The following ETFRF1 variants were observed in gnomAD, a reference collection of about 807,000 sequenced individuals.
The protein encoded by ETFRF1 is electron transfer flavoprotein regulatory factor 1.
In ETFRF1, 12 loss-of-function variants were observed where a neutral mutation model predicts 9.0. The ratio of observed to expected loss-of-function variants is 1.34; its 90% CI spans 0.86 to 2.16. The LOEUF is 2.16. Among genes scored for constraint, ETFRF1 ranks in the 30% most tolerant of loss-of-function variants. ETFRF1 has a pLI of 0.00. For synonymous variants in ETFRF1, 34 were observed against 33.2 expected (o/e 1.02, Z -0.08); for missense variants, 98 against 101.8 (o/e 0.96, Z 0.16).
Position 25,203,993 on chromosome 12 carries a change from A to C in ETFRF1, c.37A>C (p.Lys13Gln). The change falls in exon 2 of 3, where the codon AAA becomes CAA. Residue 13 changes from lysine (K) to glutamine (Q), a missense_variant. Transcript: ENST00000381356. Reference sequence around the variant, plus strand: ...CAATTCTTTAAGAGGAGAAGTACTAAAACTTTATAAAAATGTAAGTAATTA... The same window carrying C: ...CAATTCTTTAAGAGGAGAAGTACTACAACTTTATAAAAATGTAAGTAATTA... Reference protein sequence around the residue: ...MANSLRGEVLKLYKNLLYLGR... With the variant: ...MANSLRGEVLQLYKNLLYLGR... 6.6e-7 allele frequency: 1 copy of C among 1,506,114 alleles called. No homozygotes were observed. The highest frequency in any genetic ancestry group is 8.9e-7 in the Non-Finnish European group (1 of 1,126,892). 93.3% of individuals were successfully genotyped at this position (1,506,114 alleles called of 1,614,324 possible).
At chr12:25,202,212 G>A (rs1264573838) in intron 1 of ETFRF1, among the ~76,000 whole-genome samples, 1 of 151,640 alleles carries the variant, frequency 6.6e-6, no homozygotes, top group Non-Finnish European at 1.5e-5. Flanking sequence ...CCAGCTTGGG[G>A]ACAGAGCAAG....
Position 25,204,105 on chromosome 12 carries a change from A to G in ETFRF1, c.66A>G (p.Gly22=). The change falls in exon 3 of 3, where the codon GGA becomes GGG. Residue 22 remains glycine (G), a synonymous_variant. Coordinates refer to ENST00000381356, the MANE Select transcript of ETFRF1 (RefSeq NM_001001660.3). ...LKLYKNLLYL[G]RDYPKGADYF... ...TCTTTTTGAAGCTGCTGTATCTTGG[A>G]CGAGACTATCCAAAAGGAGCAGACT... The G allele has an allele frequency of 6.3e-7, 1 of 1,587,300 alleles. No homozygotes were observed. Among genetic ancestry groups the G allele is most frequent in the Non-Finnish European group, 8.6e-7 (1 of 1,165,002 alleles).
At chr12:25,202,094 G>A (rs1436858329) in intron 1 of ETFRF1, among the ~76,000 whole-genome samples, 4 of 69,646 alleles carry the variant, frequency 5.7e-5, no homozygotes, top group Admixed American at 1.7e-4. Context: ...TTAGCCAGGC[G>A]TGGTGGCGCG....
chr12:25,199,649 A>G (rs923021234), intron 1 of ETFRF1, among the ~76,000 whole-genome samples: 15 of 108,850 alleles, frequency 1.4e-4, no homozygotes, highest in Admixed American at 1.3e-3. Context: ...CACACACACA[A>G]TGAAGCCATC....
Position 25,204,173 on chromosome 12 carries a change from A to G in ETFRF1, c.134A>G (p.Asp45Gly). ...AAGAACATTTTCCTTAAAAACAAAGATGTGAAGAATCCAGAGAAGATCAAA... is the reference window on the plus strand; with the variant it reads ...AAGAACATTTTCCTTAAAAACAAAGGTGTGAAGAATCCAGAGAAGATCAAA... ...RLKNIFLKNK[D>G]VKNPEKIKEL... is the part of the protein sequence containing the mutation. The change falls in exon 3 of 3, where the codon GAT becomes GGT. Residue 45 changes from aspartate to glycine, a missense_variant. Asp to Gly is a moderately conservative substitution (Grantham distance 94). Transcript: ENST00000381356. The G allele has an allele frequency of 6.2e-7, 1 of 1,613,260 alleles. No individual in the cohort carries two copies. The highest frequency in any genetic ancestry group is 1.3e-5 in the African/African-American group (1 of 75,030).
chr12:25,197,371 C>T lies in ETFRF1; in HGVS notation c.-38+2034C>T, dbSNP rs375134201. ...AATTAAATGAAGCTGTGCTGTTAGG[C>T]ATTAAACAGGTTATAGTTTGCAATT... On this transcript the variant is annotated intron_variant, in intron 1 of 2. Transcript: ENST00000381356. Among the ~76,000 whole-genome samples, 208 of 152,298 alleles carry T rather than the reference C, an allele frequency of 1.4e-3. 2 individuals carry two copies. The highest frequency in any genetic ancestry group is 0.01 in the South Asian group (49 of 4,830).
At position 25,204,115 on chromosome 12, in the gene ETFRF1, C is replaced by G; in HGVS notation, c.76C>G (p.Pro26Ala). 2 of 1,595,210 alleles carry G rather than the reference C, an allele frequency of 1.3e-6. No individual in the cohort carries two copies. The highest frequency in any genetic ancestry group is 1.7e-6 in the Non-Finnish European group (2 of 1,169,342). ...KNLLYLGRDYPKGADYFKKRL... is the reference protein window; with the variant it reads ...KNLLYLGRDYAKGADYFKKRL... ...GCTGCTGTATCTTGGACGAGACTAT[C>G]CAAAAGGAGCAGACTATTTTAAAAA... The change falls in exon 3 of 3, where the codon CCA becomes GCA. Residue 26 changes from proline to alanine, a missense_variant. Coordinates refer to ENST00000381356, the MANE Select transcript of ETFRF1 (RefSeq NM_001001660.3).
intron 1 of ETFRF1, among the ~76,000 whole-genome samples, chr12:25,198,538 G>A (rs1045368800): frequency 6.6e-6 from 1 of 152,016 alleles, no homozygotes; most frequent in African/African-American, 2.4e-5. Flanking sequence ...ACAGAAGCAA[G>A]CAGAAAAGCA....
chr12:25,203,310 G>T (rs1326783106), intron 1 of ETFRF1, among the ~76,000 whole-genome samples: 2 of 152,204 alleles, frequency 1.3e-5, no homozygotes, highest in Non-Finnish European at 1.5e-5. Context: ...GATTTTGCCT[G>T]TTCCTCAGGG....
intron 1 of ETFRF1, among the ~76,000 whole-genome samples, chr12:25,200,578 C>T (rs1448166600): frequency 6.6e-6 from 1 of 152,134 alleles, no homozygotes; most frequent in Non-Finnish European, 1.5e-5. Context: ...TAAAAGCAAA[C>T]AGACGAGCAA....
intron 1 of ETFRF1, among the ~76,000 whole-genome samples, chr12:25,203,030 T>C (rs867874084): frequency 6.6e-6 from 1 of 152,218 alleles, no homozygotes; most frequent in Non-Finnish European, 1.5e-5. Flanking sequence ...AGTTTCTAAA[T>C]GCTATTCTCC....
chr12:25,196,587 T>G (rs1951014360), intron 1 of ETFRF1, among the ~76,000 whole-genome samples: 1 of 152,184 alleles, frequency 6.6e-6, no homozygotes, highest in African/African-American at 2.4e-5. Flanking sequence ...TAGCCTAGAA[T>G]GACAGGGGGA....
At position 25,204,362 on chromosome 12, in the gene ETFRF1, G is replaced by A; in HGVS notation, c.*50G>A. Reference sequence around the variant, plus strand: ...CAGTGCCAGCTGTTTATGTATACCAGATGTTGTAAAATAATTCTAACTTAA... The same window carrying A: ...CAGTGCCAGCTGTTTATGTATACCAAATGTTGTAAAATAATTCTAACTTAA... On this transcript the variant is annotated 3_prime_UTR_variant, in exon 3 of 3. Coordinates refer to ENST00000381356, the MANE Select transcript of ETFRF1 (RefSeq NM_001001660.3). 7 of 1,369,658 alleles carry A rather than the reference G, an allele frequency of 5.1e-6. No individual in the cohort carries two copies. Among genetic ancestry groups the A allele is most frequent in the Non-Finnish European group, 5.9e-6 (6 of 1,024,276 alleles). 84.8% of individuals were successfully genotyped at this position (1,369,658 alleles called of 1,614,324 possible).
intron 1 of ETFRF1, among the ~76,000 whole-genome samples, chr12:25,202,147 T>C (rs12230955): frequency 0.11 from 16,951 of 149,758 alleles, 1,302 homozygotes; most frequent in Admixed American, 0.15. Flanking sequence ...GGCAGGGGAA[T>C]TGCTTGAACC....
chr12:25,201,820 T>C (rs1951075454), intron 1 of ETFRF1, among the ~76,000 whole-genome samples: 1 of 152,136 alleles, frequency 6.6e-6, no homozygotes, highest in African/African-American at 2.4e-5. Context: ...ACTTAAATTA[T>C]GTAGCGCATG....
At chr12:25,202,153 G>T (rs538370031) in intron 1 of ETFRF1, among the ~76,000 whole-genome samples, 54 of 151,364 alleles carry the variant, frequency 3.6e-4, no homozygotes, top group South Asian at 4.2e-4. Flanking sequence ...GGAATTGCTT[G>T]AACCAGGGAG....
At chr12:25,202,063 C>CAAAAAA (rs149050811) in intron 1 of ETFRF1, among the ~76,000 whole-genome samples, 1,356 of 52,782 alleles carry the variant, frequency 0.026, 141 homozygotes, top group Middle Eastern at 0.034. Flanking sequence ...TACTGAAATA[C>CAAAAAA]AAAAAAAAAA....
chr12:25,196,631 C>G (rs1447587873), intron 1 of ETFRF1, among the ~76,000 whole-genome samples: 1 of 152,208 alleles, frequency 6.6e-6, no homozygotes, highest in Non-Finnish European at 1.5e-5. Flanking sequence ...ACCGCTGTCT[C>G]ATCCAGCGCA....
rs112067844 is a variant in ETFRF1 at position 25,204,162 on chromosome 12, T to G, written c.123T>G (p.Leu41=). 2.5e-6 allele frequency: 4 copies of G among 1,612,714 alleles called. No homozygotes were observed. Among genetic ancestry groups the G allele is most frequent in the African/African-American group, 2.7e-5 (2 of 74,880 alleles). ...YFKKRLKNIF[L]KNKDVKNPEK... ...AAAAGCGTTTGAAGAACATTTTCCT[T>G]AAAAACAAAGATGTGAAGAATCCAG... is the stretch of plus-strand genomic sequence containing the variant. Residue 41 remains leucine, a synonymous_variant, in exon 3 of 3, where the codon CTT becomes CTG. Coordinates refer to ENST00000381356, the MANE Select transcript of ETFRF1 (RefSeq NM_001001660.3).
Sources: allele counts gnomAD v4.1 joint callset (sites outside exome capture counted in the v4.1 genomes callset), GRCh38; gene constraint gnomAD v4.1.1; transcripts MANE v1.5; gene names NCBI Gene and HGNC (gene_info 2026-07-23, HGNC 2026-07-21).